PHKB: variants seen among roughly 807,000 people sequenced by gnomAD.
PHKB encodes phosphorylase kinase regulatory subunit beta.
PHKB carries 122 observed loss-of-function variants against 152.1 expected under a neutral mutation model. The observed-to-expected ratio is 0.80, with a 90% CI of 0.69 to 0.93. The LOEUF (loss-of-function observed/expected upper bound fraction) is 0.93, where lower values mean the gene tolerates loss of function less well. PHKB is among the 40% of genes least tolerant of loss of function. PHKB has a pLI of 0.00. For missense variants in PHKB, 1,304 were observed against 1,328.4 expected (o/e 0.98, Z 0.29); for synonymous variants, 436 against 464.9 (o/e 0.94, Z 0.80).
intron 20 of PHKB, among the ~76,000 whole-genome samples, chr16:47,654,085 GTGTC>G (rs1366251911): frequency 6.6e-6 from 1 of 152,176 alleles, no homozygotes; most frequent in Non-Finnish European, 1.5e-5. Context: ...AATATGTGCA[GTGTC>G]TGTCTTTCAT....
At chr16:47,675,114 G>C (rs928117571) in intron 26 of PHKB, among the ~76,000 whole-genome samples, 2 of 152,118 alleles carry the variant, frequency 1.3e-5, no homozygotes, top group African/African-American at 2.4e-5. Context: ...CAAAAACTCT[G>C]TAAGTTTACA....
chr16:47,622,787 T>C (rs1972639717), intron 14 of PHKB, among the ~76,000 whole-genome samples: 1 of 152,190 alleles, frequency 6.6e-6, no homozygotes, highest in South Asian at 2.1e-4. Flanking sequence ...TGAAAGTCAG[T>C]ACTTGTTTGC....
At chr16:47,553,643 G>A (rs1195020327) in intron 7 of PHKB, among the ~76,000 whole-genome samples, 1 of 152,214 alleles carries the variant, frequency 6.6e-6, no homozygotes, top group East Asian at 1.9e-4. Flanking sequence ...CAGCGTTTTT[G>A]CACTGGTTTC....
intron 26 of PHKB, chr16:47,675,604 C>G (rs1973717251): frequency 6.6e-6 from 1 of 152,236 alleles, no homozygotes; most frequent in African/African-American, 2.4e-5. Flanking sequence ...AGGCCGTGTG[C>G]TCTCACAAGA....
At chr16:47,665,331 T>TAA in intron 25 of PHKB, 5 of 210,498 alleles carry the variant, frequency 2.4e-5, no homozygotes, top group Non-Finnish European at 3.8e-5. Flanking sequence ...TGCTGTACTT[T>TAA]AAAAAAAAAA....
chr16:47,658,005 C>G (rs543994280), intron 20 of PHKB, among the ~76,000 whole-genome samples: 1 of 152,180 alleles, frequency 6.6e-6, no homozygotes, highest in East Asian at 1.9e-4. Flanking sequence ...TCATGCTCTA[C>G]CTGGTCATAA....
chr16:47,497,886 C>G (rs965500439), intron 2 of PHKB, among the ~76,000 whole-genome samples: 2 of 152,132 alleles, frequency 1.3e-5, no homozygotes, highest in Admixed American at 1.3e-4. Flanking sequence ...CATTGAGATA[C>G]AAGAGATAAT....
chr16:47,696,666 C>G (rs1293951125), intron 29 of PHKB, among the ~76,000 whole-genome samples, 178 bp downstream of exon 29: 3 of 152,110 alleles, frequency 2.0e-5, no homozygotes, highest in Non-Finnish European at 4.4e-5. Context: ...GCCGAGTCCT[C>G]AAGAAGATGG....
chr16:47,681,622 G>T (rs1238756142), intron 26 of PHKB, among the ~76,000 whole-genome samples: 2 of 151,838 alleles, frequency 1.3e-5, no homozygotes, highest in African/African-American at 2.4e-5. Flanking sequence ...CCATTTGCTT[G>T]GTAGATCTTC....
rs548460870 is a variant in PHKB at position 47,553,118 on chromosome 16, C to T, written c.710+5570C>T. Among the ~76,000 whole-genome samples, 12 of 152,152 alleles carry T rather than the reference C, an allele frequency of 7.9e-5. No homozygotes were observed. In the South Asian group the frequency reaches 2.3e-3, roughly 29 times the overall value. On this transcript the variant is annotated intron_variant, in intron 7 of 30. Transcript: ENST00000323584. ...GGGGAAGTTCTCCTGGATAATATCT[C>T]GAAGAGTGTTTTCCAGCCTGGTTCC...
chr16:47,568,441 G>C (rs1188625966), intron 7 of PHKB, among the ~76,000 whole-genome samples: 1 of 152,032 alleles, frequency 6.6e-6, no homozygotes, highest in African/African-American at 2.4e-5. Flanking sequence ...TGATTAGCTA[G>C]TGGTCTGTCA....
chr16:47,581,256 C>T (rs1971839554), intron 8 of PHKB, among the ~76,000 whole-genome samples: 1 of 152,172 alleles, frequency 6.6e-6, no homozygotes, highest in Non-Finnish European at 1.5e-5. Flanking sequence ...AATGCAGCCA[C>T]CTCTCTTCTC....
intron 25 of PHKB, chr16:47,666,119 A>T: frequency 1.1e-6 from 1 of 873,660 alleles, no homozygotes; most frequent in Non-Finnish European, 1.9e-6. Flanking sequence ...GGCAAACCTC[A>T]ATGTCATAGG....
At position 47,648,813 on chromosome 16, in the gene PHKB, A is replaced by G. The variant is rs143760465; in HGVS notation, c.1692+197A>G. 5.3e-5 allele frequency among the ~76,000 whole-genome samples: 8 copies of G among 152,308 alleles called. No individual in the cohort carries two copies. The East Asian group carries it at 1.5e-3, about 29-fold the overall frequency. On this transcript the variant is annotated intron_variant, in intron 17 of 30. Transcript: ENST00000323584. ...TCTTATAAATATGAAGGAGCACCTCACTGCTAAATATATTTTTTCTAAGCT... is the reference window on the plus strand; with the variant it reads ...TCTTATAAATATGAAGGAGCACCTCGCTGCTAAATATATTTTTTCTAAGCT...
At chr16:47,661,651 T>G (rs1567345976) in intron 22 of PHKB, 68 bp from the exon 23 acceptor site, 4 of 953,488 alleles carry the variant, frequency 4.2e-6, no homozygotes, top group Non-Finnish European at 1.7e-6. Context: ...GTTTTGTGAT[T>G]AGTTACCCTC....
At chr16:47,694,222 C>T (rs558265140) in intron 28 of PHKB, among the ~76,000 whole-genome samples, 1 of 152,188 alleles carries the variant, frequency 6.6e-6, no homozygotes, top group South Asian at 2.1e-4. Flanking sequence ...TATACACTGG[C>T]CTGCTTCTTT....
At chr16:47,651,926 G>C (rs1293906777) in intron 20 of PHKB, among the ~76,000 whole-genome samples, 1 of 151,908 alleles carries the variant, frequency 6.6e-6, no homozygotes, top group Non-Finnish European at 1.5e-5. Flanking sequence ...ATTGAGTTTT[G>C]CATGTTGGCT....
chr16:47,605,355 A>C (rs1972303869), intron 13 of PHKB, among the ~76,000 whole-genome samples: 1 of 152,240 alleles, frequency 6.6e-6, no homozygotes, highest in African/African-American at 2.4e-5. Flanking sequence ...AAGGAAATGC[A>C]AAGAAATAAG....
chr16:47,540,982 C>A (rs1971047480), intron 6 of PHKB, among the ~76,000 whole-genome samples: 1 of 151,858 alleles, frequency 6.6e-6, no homozygotes, highest in Non-Finnish European at 1.5e-5. Flanking sequence ...CATACATCAC[C>A]ACGCCTGGCT....
Sources: allele counts gnomAD v4.1 joint callset (sites outside exome capture counted in the v4.1 genomes callset), GRCh38; gene constraint gnomAD v4.1.1; transcripts MANE v1.5; gene names NCBI Gene and HGNC (gene_info 2026-07-23, HGNC 2026-07-21).